MECOM: variants seen among roughly 807,000 people sequenced by gnomAD.
MECOM encodes histone-lysine N-methyltransferase MECOM.
In MECOM, 13 loss-of-function variants were observed where a neutral mutation model predicts 116.3. The ratio of observed to expected loss-of-function variants is 0.11; its 90% CI spans 0.07 to 0.18. The LOEUF is 0.18. MECOM is among the 10% of genes least tolerant of loss of function. MECOM has a pLI of 1.00. For missense variants in MECOM, 1,299 were observed against 1,509.0 expected, an observed-to-expected ratio of 0.86 and a Z score of 2.31; for synonymous variants, 528 against 535.2, an observed-to-expected ratio of 0.99 and a Z score of 0.19.
chr3:169,378,508 A>AGC (rs1731710465), intron 2 of MECOM, among the ~76,000 whole-genome samples: 2 of 29,032 alleles, frequency 6.9e-5, no homozygotes, highest in Admixed American at 4.0e-4. Context: ...AAAGAAAGAA[A>AGC]GAAAGAAAAG....
At chr3:169,452,189 C>T (rs1018630887) in intron 1 of MECOM, among the ~76,000 whole-genome samples, 1 of 152,044 alleles carries the variant, frequency 6.6e-6, no homozygotes, top group Non-Finnish European at 1.5e-5. Flanking sequence ...TGCCCAACTA[C>T]AGCTTGGTAG....
intron 2 of MECOM, among the ~76,000 whole-genome samples, chr3:169,201,067 G>T (rs571004932): frequency 6.6e-6 from 1 of 152,154 alleles, no homozygotes; most frequent in Non-Finnish European, 1.5e-5. Context: ...ATGTACATCT[G>T]CTCAATGTTT....
At chr3:169,496,926 A>T (rs1200002983) in intron 1 of MECOM, among the ~76,000 whole-genome samples, 2 of 152,264 alleles carry the variant, frequency 1.3e-5, no homozygotes, top group African/African-American at 4.8e-5. Context: ...GATTATATTC[A>T]GTAAACACAG....
chr3:169,488,526 A>G (rs1026722910), intron 1 of MECOM, among the ~76,000 whole-genome samples: 5 of 152,026 alleles, frequency 3.3e-5, no homozygotes, highest in Non-Finnish European at 7.4e-5. Flanking sequence ...AGCCTGGGCG[A>G]CAGAGCTAGA....
chr3:169,660,826 T>C (rs1776187872), intron 1 of MECOM, among the ~76,000 whole-genome samples: 1 of 152,214 alleles, frequency 6.6e-6, no homozygotes, highest in Admixed American at 6.5e-5. Context: ...TGATTTCCTT[T>C]ATTACCCAGA....
Position 169,381,517 on chromosome 3 carries a change from C to T in MECOM, c.45G>A (p.Glu15=). The part of the protein sequence containing the change: ...GRARKLATNN[E]CVYGNYPEIP... Reference sequence around the variant, plus strand: ...TTTCAGGGTAGTTGCCATATACACACTCATTATCTGTGAATAAATAAGAAC... The same window carrying T: ...TTTCAGGGTAGTTGCCATATACACATTCATTATCTGTGAATAAATAAGAAC... The change falls in exon 2 of 17, where the codon GAG becomes GAA. Residue 15 remains glutamate (E), a synonymous_variant. Coordinates refer to ENST00000651503, the MANE Select transcript of MECOM (RefSeq NM_004991.4). 6.3e-7 allele frequency: 1 copy of T among 1,590,346 alleles called. No homozygotes were observed. The highest frequency in any genetic ancestry group is 8.6e-7 in the Non-Finnish European group (1 of 1,167,386).
intron 2 of MECOM, 96 bp downstream of exon 2, chr3:169,381,091 T>C (rs1732313996): frequency 5.5e-6 from 6 of 1,081,112 alleles, no homozygotes; most frequent in Non-Finnish European, 7.9e-6. Flanking sequence ...AAACATATTG[T>C]AACAAATATA....
At chr3:169,143,567 G>T (rs1296719768) in intron 3 of MECOM, 131 bp downstream of exon 3, 1 of 769,234 alleles carries the variant, frequency 1.3e-6, no homozygotes, top group Non-Finnish European at 1.9e-6. Flanking sequence ...ACTTATATTT[G>T]TGCATTATCT....
At chr3:169,389,575 T>A in intron 1 of MECOM, 1 of 985,430 alleles carries the variant, frequency 1.0e-6, no homozygotes, top group Non-Finnish European at 1.2e-6. Flanking sequence ...TGATGGGCTT[T>A]TTCTTCATAA....
intron 2 of MECOM, among the ~76,000 whole-genome samples, chr3:169,348,718 C>T (rs1317262748): frequency 6.6e-6 from 1 of 151,976 alleles, no homozygotes; most frequent in Non-Finnish European, 1.5e-5. Flanking sequence ...AGATTAATAA[C>T]TTCTACACAT....
At chr3:169,147,270 G>A in intron 2 of MECOM, 1 of 985,564 alleles carries the variant, frequency 1.0e-6, no homozygotes, top group Middle Eastern at 5.2e-4. Flanking sequence ...GAGGCGAGGG[G>A]AGCTCTATCC....
chr3:169,123,098 T>G (rs1731573643), intron 5 of MECOM, among the ~76,000 whole-genome samples: 1 of 151,688 alleles, frequency 6.6e-6, no homozygotes. Flanking sequence ...GAAACACAAT[T>G]AAGTGAGTAT....
intron 2 of MECOM, among the ~76,000 whole-genome samples, chr3:169,270,279 C>T (rs1040712785): frequency 2.6e-5 from 4 of 152,016 alleles, no homozygotes; most frequent in Non-Finnish European, 5.9e-5. Context: ...GACAGGAATG[C>T]ACATTCAAAT....
chr3:169,166,802 A>G (rs56113363), intron 2 of MECOM, among the ~76,000 whole-genome samples: 10,717 of 152,240 alleles, frequency 0.07, 483 homozygotes, highest in South Asian at 0.19. Context: ...CAAAAAAATA[A>G]CAAAAATGTT....
chr3:169,515,864 AC>A (rs1756555288), intron 1 of MECOM, among the ~76,000 whole-genome samples: 1 of 152,244 alleles, frequency 6.6e-6, no homozygotes, highest in Non-Finnish European at 1.5e-5. Flanking sequence ...ATTGCATAGT[AC>A]TTTTCCACTG....
intron 1 of MECOM, among the ~76,000 whole-genome samples, chr3:169,429,354 A>C (rs943713426): frequency 3.9e-5 from 6 of 152,148 alleles, no homozygotes; most frequent in African/African-American, 1.4e-4. Flanking sequence ...TAATTAAATA[A>C]TTTTGCAGTA....
At chr3:169,487,302 T>C (rs929286576) in intron 1 of MECOM, among the ~76,000 whole-genome samples, 2 of 151,984 alleles carry the variant, frequency 1.3e-5, no homozygotes, top group African/African-American at 4.8e-5. Flanking sequence ...ATTAATTGCA[T>C]TAATAACATG....
chr3:169,218,893 A>G (rs1040535684), intron 2 of MECOM, among the ~76,000 whole-genome samples: 1 of 152,076 alleles, frequency 6.6e-6, no homozygotes, highest in Admixed American at 6.5e-5. Flanking sequence ...TGCAAATGTG[A>G]CAGAGAACTT....
chr3:169,650,123 C>T (rs1252450582), intron 1 of MECOM, among the ~76,000 whole-genome samples: 1 of 152,170 alleles, frequency 6.6e-6, no homozygotes, highest in African/African-American at 2.4e-5. Context: ...ATCTGATGGG[C>T]TTTAGTGTGT....
Sources: gnomAD v4.1 joint callset for allele counts (sites outside exome capture counted in the v4.1 genomes callset) on GRCh38, gnomAD v4.1.1 for gene constraint, MANE v1.5 for transcripts, NCBI Gene and HGNC (gene_info 2026-07-23, HGNC 2026-07-21) for gene names.